Variants in LOXHD1 observed in about 807,000 individuals in gnomAD.
The protein encoded by LOXHD1 is lipoxygenase homology PLAT domains 1.
A neutral mutation model predicts 248.2 loss-of-function variants in LOXHD1; 205 were observed. The ratio of observed to expected loss-of-function variants is 0.83; its 90% CI spans 0.74 to 0.93. The LOEUF is 0.93. Among genes scored for constraint, LOXHD1 ranks in the 40% least tolerant of loss-of-function variants. The pLI, the probability that LOXHD1 is intolerant of heterozygous loss-of-function variation, is 0.00. For synonymous variants in LOXHD1, 1,113 were observed against 1,162.8 expected, an observed-to-expected ratio of 0.96 and a Z score of 0.87; for missense variants, 2,930 against 2,971.6, an observed-to-expected ratio of 0.99 and a Z score of 0.33.
At chr18:46,576,215 A>G (rs1235853125) in intron 14 of LOXHD1, among the ~76,000 whole-genome samples, 1 of 152,242 alleles carries the variant, frequency 6.6e-6, no homozygotes. Context: ...TTGAGTAGAT[A>G]GGAATAAAAC....
intron 35 of LOXHD1, among the ~76,000 whole-genome samples, chr18:46,508,972 G>A (rs994743345): frequency 7.9e-5 from 12 of 152,142 alleles, no homozygotes; most frequent in African/African-American, 2.9e-4. Flanking sequence ...CGCACAGCTG[G>A]GGAAGGTGAG....
chr18:46,583,846 C>CA (rs71162810), intron 12 of LOXHD1, among the ~76,000 whole-genome samples: 120 of 150,440 alleles, frequency 8.0e-4, no homozygotes, highest in African/African-American at 1.6e-3. Flanking sequence ...GGTATATATC[C>CA]AAAAAAAAAA....
At chr18:46,602,584 C>T (rs2144289198) in intron 7 of LOXHD1, among the ~76,000 whole-genome samples, 1 of 152,154 alleles carries the variant, frequency 6.6e-6, no homozygotes, top group South Asian at 2.1e-4. Context: ...ATCCCTCACC[C>T]TACCATACCC....
intron 2 of LOXHD1, among the ~76,000 whole-genome samples, chr18:46,648,898 A>G (rs939596705): frequency 6.6e-6 from 1 of 152,224 alleles, no homozygotes; most frequent in Non-Finnish European, 1.5e-5. Flanking sequence ...AATATGGGAC[A>G]GCTAATATGG....
chr18:46,522,419 T>G, intron 31 of LOXHD1, 110 bp from the exon 32 acceptor site: 3 of 854,042 alleles, frequency 3.5e-6, no homozygotes, highest in Non-Finnish European at 5.5e-6. Context: ...CTCAGCTCCT[T>G]GCTCAGAGAC....
chr18:46,553,126 G>T (rs1047897352), intron 21 of LOXHD1, among the ~76,000 whole-genome samples: 1 of 152,186 alleles, frequency 6.6e-6, no homozygotes. Context: ...TGGTAACAGT[G>T]TTAGCTCCTT....
Position 46,577,752 on chromosome 18 carries a change from T to C in LOXHD1, c.1925A>G (p.Glu642Gly), listed in dbSNP as rs1329103576. The change falls in exon 14 of 41, where the codon GAG (glutamate) becomes GGG (glycine). Residue 642 changes from glutamate (E) to glycine (G), a missense_variant. Physicochemically the swap from Glu to Gly is moderately conservative, Grantham distance 98. Transcript: ENST00000642948. ...GTTGTCGCTCTCAGGCTGCCCCTCC[T>C]CTCTCACCAGCACTCTGTCCAGGTA... The part of the protein sequence containing the change: ...GWYLDRVLVR[E>G]EGQPESDNVE... 3.2e-6 allele frequency: 5 copies of C among 1,551,458 alleles called. No individual in the cohort carries two copies. The highest frequency in any genetic ancestry group is 4.4e-6 in the Non-Finnish European group (5 of 1,146,964).
chr18:46,500,878 C>A (rs1007463097), intron 37 of LOXHD1, among the ~76,000 whole-genome samples: 1 of 152,188 alleles, frequency 6.6e-6, no homozygotes, highest in Non-Finnish European at 1.5e-5. Flanking sequence ...CTAATAGCTA[C>A]TCTTATTCAT....
intron 1 of LOXHD1, among the ~76,000 whole-genome samples, chr18:46,654,479 C>T (rs1009428605): frequency 6.6e-6 from 1 of 152,232 alleles, no homozygotes; most frequent in Admixed American, 6.5e-5. Context: ...TTATTCTTCC[C>T]ATCATGGGCC....
intron 6 of LOXHD1, among the ~76,000 whole-genome samples, chr18:46,605,021 C>T (rs756076121): frequency 1.2e-4 from 18 of 152,148 alleles, no homozygotes; most frequent in African/African-American, 3.9e-4. Context: ...TTTAAAAATT[C>T]GATCACTTTA....
chr18:46,534,026 G>A (rs1020684734), intron 27 of LOXHD1, among the ~76,000 whole-genome samples: 2 of 152,158 alleles, frequency 1.3e-5, no homozygotes, highest in African/African-American at 4.8e-5. Context: ...GTCTGGGGTG[G>A]ATTTTCTATG....
intron 1 of LOXHD1, among the ~76,000 whole-genome samples, chr18:46,651,664 C>T (rs1356920499): frequency 6.6e-6 from 1 of 151,684 alleles, no homozygotes; most frequent in Non-Finnish European, 1.5e-5. Context: ...AAAAAACTGA[C>T]AAATTGGACT....
intron 21 of LOXHD1, among the ~76,000 whole-genome samples, chr18:46,553,019 G>C (rs2037170229): frequency 6.6e-6 from 1 of 152,178 alleles, no homozygotes; most frequent in Non-Finnish European, 1.5e-5. Flanking sequence ...TGGCCCCAAA[G>C]ATGTCCCCAC....
At chr18:46,589,440 G>C (rs150403379) in intron 12 of LOXHD1, among the ~76,000 whole-genome samples, 3 of 152,128 alleles carry the variant, frequency 2.0e-5, no homozygotes. Flanking sequence ...GTCCCCCTTC[G>C]TTCAGTCCTG....
chr18:46,601,512 A>C, intron 7 of LOXHD1, 45 bp from the exon 8 acceptor site: 6 of 1,551,368 alleles, frequency 3.9e-6, no homozygotes, highest in Non-Finnish European at 4.4e-6. Flanking sequence ...TGTGAGCTGC[A>C]TCATAATATC....
intron 4 of LOXHD1, among the ~76,000 whole-genome samples, chr18:46,636,279 C>T (rs181978975): frequency 1.8e-3 from 273 of 152,286 alleles, no homozygotes; most frequent in Non-Finnish European, 2.8e-3. Flanking sequence ...AGCCTAGAGA[C>T]GAAACAGTCA....
intron 1 of LOXHD1, among the ~76,000 whole-genome samples, chr18:46,649,761 G>T (rs1027269438): frequency 6.6e-6 from 1 of 152,222 alleles, no homozygotes; most frequent in African/African-American, 2.4e-5. Context: ...GAGCTTTGCA[G>T]GGGGTCCTTC....
At chr18:46,490,626 C>G (rs1314970953) in intron 37 of LOXHD1, among the ~76,000 whole-genome samples, 1 of 152,172 alleles carries the variant, frequency 6.6e-6, no homozygotes, top group Admixed American at 6.5e-5. Context: ...CAGGCATGCA[C>G]CACCACACCT....
At chr18:46,555,089 C>T (rs968695322) in intron 21 of LOXHD1, 4 of 470,238 alleles carry the variant, frequency 8.5e-6, no homozygotes, top group Non-Finnish European at 4.4e-6. Flanking sequence ...TTGGGCTAGC[C>T]GAGAAATGCC....
Sources: allele counts gnomAD v4.1 joint callset (sites outside exome capture counted in the v4.1 genomes callset), GRCh38; gene constraint gnomAD v4.1.1; transcripts MANE v1.5; gene names NCBI Gene and HGNC (gene_info 2026-07-23, HGNC 2026-07-21).